The following SYCE1L variants were observed in gnomAD, a reference collection of about 807,000 sequenced individuals.
SYCE1L encodes synaptonemal complex central element protein 1-like.
In SYCE1L, 51 loss-of-function variants were observed where a neutral mutation model predicts 39.6. The ratio of observed to expected loss-of-function variants is 1.29; its 90% CI spans 1.03 to 1.63. SYCE1L has a LOEUF of 1.63. SYCE1L is among the 40% of genes most tolerant of loss of function. The pLI is 0.00. For missense variants in SYCE1L, 426 were observed against 304.9 expected, an observed-to-expected ratio of 1.40 and a Z score of -2.96; for synonymous variants, 147 against 122.4, an observed-to-expected ratio of 1.20 and a Z score of -1.33.
chr16:77,205,433 A>AATAT (rs145238524), intron 1 of SYCE1L, among the ~76,000 whole-genome samples: 2,342 of 145,238 alleles, frequency 0.016, 74 homozygotes, highest in African/African-American at 0.053. Context: ...CATAGAAGTA[A>AATAT]ATATATATAT....
At position 77,212,956 on chromosome 16, in the gene SYCE1L, A is replaced by G; in HGVS notation, c.*25A>G. ...GGCCAGCAGGACCCGCCCGTTCCCGACCTTCCCTCGAGACCCGCCAAGAAA... is the reference window on the plus strand; with the variant it reads ...GGCCAGCAGGACCCGCCCGTTCCCGGCCTTCCCTCGAGACCCGCCAAGAAA... On this transcript the variant is annotated 3_prime_UTR_variant, in exon 11 of 11. Coordinates refer to ENST00000378644, the MANE Select transcript of SYCE1L (RefSeq NM_001129979.3). The G allele has an allele frequency of 6.8e-7, 1 of 1,472,038 alleles. No individual in the cohort carries two copies. Among genetic ancestry groups the G allele is most frequent in the Non-Finnish European group, 9.0e-7 (1 of 1,111,776 alleles). 91.2% of individuals were successfully genotyped at this position (1,472,038 alleles called of 1,614,324 possible).
rs1343258185 is a variant in SYCE1L at position 77,212,976 on chromosome 16, A to C, written c.*45A>C. 6.9e-7 allele frequency: 1 copy of C among 1,445,454 alleles called. No homozygotes were observed. The highest frequency in any genetic ancestry group is 2.4e-5 in the Admixed American group (1 of 40,982). 89.5% of individuals were successfully genotyped at this position (1,445,454 alleles called of 1,614,324 possible). The stretch of plus-strand genomic sequence containing the variant: ...TCCCGACCTTCCCTCGAGACCCGCC[A>C]AGAAATAAAGGCGATGATTTCCGAC... On this transcript the variant is annotated 3_prime_UTR_variant, in exon 11 of 11. Coordinates refer to ENST00000378644, the MANE Select transcript of SYCE1L (RefSeq NM_001129979.3).
At chr16:77,209,952 T>G (rs1441146194) in intron 6 of SYCE1L, among the ~76,000 whole-genome samples, 1 of 152,174 alleles carries the variant, frequency 6.6e-6, no homozygotes, top group Non-Finnish European at 1.5e-5. Context: ...CAATCATGCA[T>G]TCATCCTCTC....
At chr16:77,212,070 G>A (rs1416367277) in intron 7 of SYCE1L, 60 bp from the exon 8 acceptor site, 2 of 1,501,770 alleles carry the variant, frequency 1.3e-6, no homozygotes, top group Non-Finnish European at 1.8e-6. Flanking sequence ...AAAAGGGGAG[G>A]GGCGGGCCGT....
In SYCE1L at chr16:77,199,466, G is replaced by A. The variant is rs1036440947; in HGVS notation, c.15G>A (p.Leu5=). ...CGCGTTGGAAAATGGCGGGGAAGCT[G>A]AAACCTCTGAATGTGGAGGCGCCAG... MAGK[L]KPLNVEAPEA... is the part of the protein sequence containing the mutation. Residue 5 remains leucine, a synonymous_variant, in exon 1 of 11, where the codon CTG becomes CTA. Transcript: ENST00000378644. 4 of 1,551,372 alleles carry A rather than the reference G, an allele frequency of 2.6e-6. No individual in the cohort carries two copies. In the African/African-American group the frequency reaches 4.1e-5, roughly 16 times the overall value.
In SYCE1L at chr16:77,205,056, A is replaced by AAAAAAAAGAAAAG. The variant is rs1471925292; in HGVS notation, c.62-1381_62-1380insAAAGAAAAGAAAA. ...CGAGACTCCATCTCAAAAAAAAAAA[A>AAAAAAAAGAAAAG]AAAAGAAAAGAAAAAGATAATGTGG... On this transcript the variant is annotated intron_variant, in intron 1 of 10. Coordinates refer to ENST00000378644, the MANE Select transcript of SYCE1L (RefSeq NM_001129979.3). 4.9e-3 allele frequency among the ~76,000 whole-genome samples: 685 copies of AAAAAAAAGAAAAG among 140,650 alleles called. 8 individuals are homozygous for AAAAAAAAGAAAAG. The highest frequency in any genetic ancestry group is 0.014 in the African/African-American group (519 of 37,266). 92.3% of individuals were successfully genotyped at this position (140,650 alleles called of 152,430 possible).
intron 1 of SYCE1L, chr16:77,201,571 A>G (rs1217891821): frequency 6.6e-6 from 1 of 152,220 alleles, no homozygotes; most frequent in Non-Finnish European, 1.5e-5. Context: ...TTTAGCATCT[A>G]AAATGCTCTT....
At position 77,211,986 on chromosome 16, in the gene SYCE1L, G is replaced by C. The variant is rs2054825754; in HGVS notation, c.424-144G>C. Reference sequence around the variant, plus strand: ...GTGGGTGGGTCTCCAGCCACAGCAGGAACTGCACATTGAGTTAATAAATAG... The same window carrying C: ...GTGGGTGGGTCTCCAGCCACAGCAGCAACTGCACATTGAGTTAATAAATAG... On this transcript the variant is annotated intron_variant, in intron 7 of 10. Transcript: ENST00000378644. 6 of 962,194 alleles carry C rather than the reference G, an allele frequency of 6.2e-6. No homozygotes were observed. In the South Asian group the frequency reaches 1.0e-4, roughly 17 times the overall value. 59.6% of individuals were successfully genotyped at this position (962,194 alleles called of 1,614,324 possible).
chr16:77,209,600 C>G (rs1350047888), intron 6 of SYCE1L, 129 bp downstream of exon 6: 14 of 957,876 alleles, frequency 1.5e-5, no homozygotes, highest in Non-Finnish European at 1.9e-5. Context: ...AGCAGCCTGA[C>G]AAAAGATTTC....
At position 77,209,406 on chromosome 16, in the gene SYCE1L, C is replaced by T; in HGVS notation, c.305-11C>T. 1.3e-6 allele frequency: 2 copies of T among 1,551,700 alleles called. No individual in the cohort carries two copies. The highest frequency in any genetic ancestry group is 8.7e-7 in the Non-Finnish European group (1 of 1,146,992). ...AGCTCTCAAAGGGTCCCCTTGGTTC[C>T]TTCCCCACAGAGGCACTGAGGATCC... is the stretch of plus-strand genomic sequence containing the variant. On this transcript the variant is annotated splice_polypyrimidine_tract_variant and intron_variant, in intron 5 of 10. Transcript: ENST00000378644.
chr16:77,202,821 A>G (rs957803164), intron 1 of SYCE1L, among the ~76,000 whole-genome samples: 3 of 135,504 alleles, frequency 2.2e-5, no homozygotes, highest in South Asian at 2.5e-4. Context: ...TAGGGTGAAT[A>G]TTAATGATTG....
chr16:77,208,131 A>C, intron 2 of SYCE1L, 79 bp from the exon 3 acceptor site: 1 of 1,379,510 alleles, frequency 7.2e-7, no homozygotes, highest in Non-Finnish European at 9.9e-7. Context: ...ATAGCAGCAG[A>C]CACAGTGCTT....
intron 6 of SYCE1L, among the ~76,000 whole-genome samples, chr16:77,210,177 T>C (rs915228319): frequency 1.3e-5 from 2 of 152,180 alleles, no homozygotes; most frequent in African/African-American, 4.8e-5. Flanking sequence ...GTAGCTGAGA[T>C]TACAGGCATG....
At chr16:77,211,823 G>A (rs2054824602) in intron 7 of SYCE1L, among the ~76,000 whole-genome samples, 1 of 152,140 alleles carries the variant, frequency 6.6e-6, no homozygotes, top group East Asian at 1.9e-4. Context: ...TGCAGGTATC[G>A]GTGCAGAAGG....
At chr16:77,201,114 C>G (rs1043597883) in intron 1 of SYCE1L, 2 of 152,162 alleles carry the variant, frequency 1.3e-5, no homozygotes, top group Non-Finnish European at 2.9e-5. Flanking sequence ...CGCTCCCCTG[C>G]ACCTAAAACA....
At chr16:77,210,705 G>T (rs896799658) in intron 6 of SYCE1L, among the ~76,000 whole-genome samples, 1 of 152,116 alleles carries the variant, frequency 6.6e-6, no homozygotes, top group African/African-American at 2.4e-5. Context: ...TTCTTGGGAA[G>T]GCAGAGTTCA....
chr16:77,208,665 C>A, intron 4 of SYCE1L, 126 bp downstream of exon 4: 1 of 898,450 alleles, frequency 1.1e-6, no homozygotes, highest in Non-Finnish European at 1.7e-6. Context: ...TTGCCTTTCA[C>A]TGTCTCATGT....
Position 77,212,857 on chromosome 16 carries a change from G to T in SYCE1L, c.655G>T (p.Ala219Ser). ...CGCAGCCTCACCCAGCCCCCGGCAG[G>T]CCGGACCTGAGCTCCCCCGCGCTCG... is the stretch of plus-strand genomic sequence containing the variant. ...APEVGAGEGEAGPELPRARDE... is the reference protein window; with the variant it reads ...APEVGAGEGESGPELPRARDE... The change falls in exon 11 of 11, where the codon GCC becomes TCC. Residue 219 changes from alanine to serine, a missense_variant and splice_region_variant. By Grantham distance (99) the Ala-to-Ser change is moderately conservative (BLOSUM62 1). Transcript: ENST00000378644. 6.6e-7 allele frequency: 1 copy of T among 1,507,544 alleles called. No homozygotes were observed. The allele number at this position is 1,507,544 out of a possible 1,614,324, so 93.4% of individuals were successfully genotyped here.
At chr16:77,207,396 G>T (rs9931082) in intron 2 of SYCE1L, among the ~76,000 whole-genome samples, 1 of 134,806 alleles carries the variant, frequency 7.4e-6, no homozygotes, top group East Asian at 2.1e-4. Context: ...AGTCTTCTGC[G>T]TACAGAGCAC....
Sources: gnomAD v4.1 joint callset for allele counts (sites outside exome capture counted in the v4.1 genomes callset) on GRCh38, gnomAD v4.1.1 for gene constraint, MANE v1.5 for transcripts, NCBI Gene and HGNC (gene_info 2026-07-23, HGNC 2026-07-21) for gene names.